Variants in EXOC4 observed in about 807,000 individuals in gnomAD.
EXOC4 encodes exocyst complex component 4.
EXOC4 carries 71 observed loss-of-function variants against 107.2 expected under a neutral mutation model. The ratio of observed to expected loss-of-function variants is 0.66; its 90% CI spans 0.55 to 0.81. The LOEUF is 0.81. EXOC4 is among the 30% of genes least tolerant of loss of function. The pLI, the probability that EXOC4 is intolerant of heterozygous loss-of-function variation, is 0.00. For missense variants in EXOC4, 1,108 were observed against 1,189.6 expected (o/e 0.93, Z 1.01); for synonymous variants, 456 against 441.2 (o/e 1.03, Z -0.42).
At chr7:133,543,711 T>C (rs974019265) in intron 9 of EXOC4, among the ~76,000 whole-genome samples, 1 of 115,392 alleles carries the variant, frequency 8.7e-6, no homozygotes, top group African/African-American at 2.8e-5. Context: ...AACCTGCTGC[T>C]AGAAGTGTGC....
intron 11 of EXOC4, among the ~76,000 whole-genome samples, chr7:133,818,131 G>T (rs1231282367): frequency 2.6e-5 from 4 of 152,092 alleles, no homozygotes; most frequent in African/African-American, 9.7e-5. Context: ...TAGATTTTTT[G>T]ATTAATAGGC....
chr7:134,060,392 CTG>C (rs1482915509), intron 17 of EXOC4, among the ~76,000 whole-genome samples: 2 of 152,196 alleles, frequency 1.3e-5, no homozygotes, highest in Non-Finnish European at 2.9e-5. Flanking sequence ...TATGAAGAGT[CTG>C]TGAAGGGCTA....
At chr7:133,516,987 T>A (rs1050195553) in intron 9 of EXOC4, among the ~76,000 whole-genome samples, 1 of 151,954 alleles carries the variant, frequency 6.6e-6, no homozygotes, top group African/African-American at 2.4e-5. Context: ...AATGCATATA[T>A]CTATTTATCT....
At chr7:133,855,315 A>G (rs1481118515) in intron 11 of EXOC4, among the ~76,000 whole-genome samples, 1 of 151,142 alleles carries the variant, frequency 6.6e-6, no homozygotes. Flanking sequence ...CCAGAAAACG[A>G]ACTTAGTTCC....
At chr7:133,997,453 A>G (rs1183350001) in intron 14 of EXOC4, 39 bp from the exon 15 acceptor site, 3 of 1,609,898 alleles carry the variant, frequency 1.9e-6, no homozygotes, top group Admixed American at 3.4e-5. Context: ...ATCTGTAGGC[A>G]TCTAATGAAA....
At chr7:134,027,638 CAGAG>C (rs1795171924) in intron 17 of EXOC4, among the ~76,000 whole-genome samples, 1 of 119,654 alleles carries the variant, frequency 8.4e-6, no homozygotes, top group Non-Finnish European at 1.6e-5. Flanking sequence ...AGCCTGGCGA[CAGAG>C]AGAGACTCCA....
intron 9 of EXOC4, chr7:133,480,527 G>C (rs1258216851): frequency 6.9e-6 from 6 of 864,400 alleles, no homozygotes; most frequent in Non-Finnish European, 8.6e-6. Flanking sequence ...TTGGGAAAGG[G>C]AAAATGCAAC....
chr7:133,440,507 G>T (rs771195600), intron 7 of EXOC4, among the ~76,000 whole-genome samples: 2 of 152,142 alleles, frequency 1.3e-5, no homozygotes, highest in Non-Finnish European at 2.9e-5. Flanking sequence ...CTTGGGTAAG[G>T]GCTGGGTAAA....
At chr7:133,321,849 A>C (rs1343786134) in intron 5 of EXOC4, among the ~76,000 whole-genome samples, 1 of 152,208 alleles carries the variant, frequency 6.6e-6, no homozygotes, top group Non-Finnish European at 1.5e-5. Flanking sequence ...AACAGTGTAA[A>C]AGTGTTCCTA....
rs2430774 is a variant in EXOC4 at position 133,693,008 on chromosome 7, C to A, written c.1514+62867C>A. ...AGGTCCAGAGAATTTAAGTACCATG[C>A]CCCTTGTATTAGGGTTCTCTAGAGG... On this transcript the variant is annotated intron_variant, in intron 10 of 17. Coordinates refer to ENST00000253861, the MANE Select transcript of EXOC4 (RefSeq NM_021807.4). 5.7e-3 allele frequency among the ~76,000 whole-genome samples: 863 copies of A among 152,222 alleles called. 5 individuals carry two copies. The highest frequency in any genetic ancestry group is 7.7e-3 in the Non-Finnish European group (523 of 68,010).
intron 7 of EXOC4, among the ~76,000 whole-genome samples, chr7:133,384,183 T>C (rs1415247399): frequency 6.6e-6 from 1 of 152,146 alleles, no homozygotes; most frequent in Non-Finnish European, 1.5e-5. Flanking sequence ...GTCAATGTCA[T>C]GGACATCTGA....
intron 14 of EXOC4, among the ~76,000 whole-genome samples, chr7:133,941,515 G>A (rs947706368): frequency 2.6e-5 from 4 of 152,038 alleles, no homozygotes; most frequent in African/African-American, 9.7e-5. Flanking sequence ...TTGCCTAAAT[G>A]TTTCTCTATC....
chr7:133,534,213 AT>A (rs1800232640), intron 9 of EXOC4, among the ~76,000 whole-genome samples: 2 of 152,208 alleles, frequency 1.3e-5, no homozygotes, highest in South Asian at 4.1e-4. Flanking sequence ...TTAGTGTAGG[AT>A]TTGATTAATG....
At chr7:134,038,995 G>A (rs1795454768) in intron 17 of EXOC4, among the ~76,000 whole-genome samples, 1 of 152,202 alleles carries the variant, frequency 6.6e-6, no homozygotes, top group Non-Finnish European at 1.5e-5. Flanking sequence ...CACTTCTGGA[G>A]ATCCTGAGGT....
chr7:133,888,044 C>T (rs967091698), intron 11 of EXOC4, among the ~76,000 whole-genome samples: 1 of 152,096 alleles, frequency 6.6e-6, no homozygotes, highest in Admixed American at 6.5e-5. Flanking sequence ...TGAGGTTTGC[C>T]TTATAGAATA....
intron 14 of EXOC4, among the ~76,000 whole-genome samples, chr7:133,990,249 C>T (rs1794219193): frequency 6.6e-6 from 1 of 151,310 alleles, no homozygotes; most frequent in Admixed American, 6.6e-5. Flanking sequence ...ATTTTTGTGC[C>T]CATTAACTAA....
intron 10 of EXOC4, chr7:133,733,098 A>G (rs144284068): frequency 5.2e-6 from 1 of 193,558 alleles, no homozygotes; most frequent in Non-Finnish European, 1.1e-5. Context: ...CCTTGAGGCC[A>G]TCTGATGCAA....
intron 10 of EXOC4, among the ~76,000 whole-genome samples, chr7:133,685,361 C>A (rs114717918): frequency 6.6e-6 from 1 of 152,074 alleles, no homozygotes; most frequent in Non-Finnish European, 1.5e-5. Flanking sequence ...GGCACTTATC[C>A]TTCCTGATGC....
chr7:133,897,120 G>A (rs6955240), intron 12 of EXOC4, among the ~76,000 whole-genome samples: 69,746 of 150,606 alleles, frequency 0.46, 17,587 homozygotes, highest in African/African-American at 0.65. Context: ...ATGTTGGATA[G>A]CAGATATGGA....
Sources: allele counts gnomAD v4.1 joint callset (sites outside exome capture counted in the v4.1 genomes callset), GRCh38; gene constraint gnomAD v4.1.1; transcripts MANE v1.5; gene names NCBI Gene and HGNC (gene_info 2026-07-23, HGNC 2026-07-21).